Variants in ROPN1B observed in about 807,000 individuals in gnomAD.
ROPN1B encodes ropporin-1B.
Under a neutral mutation model 23.7 loss-of-function variants are expected in ROPN1B, and 13 were observed. That is an observed-to-expected ratio of 0.55 (90% confidence interval 0.36 to 0.87). ROPN1B has a LOEUF of 0.87. ROPN1B is among the 40% of genes least tolerant of loss of function. ROPN1B has a pLI of 0.01. For synonymous variants in ROPN1B, 67 were observed against 100.4 expected (o/e 0.67, Z 1.99); for missense variants, 183 against 249.2 (o/e 0.73, Z 1.79).
intron 5 of ROPN1B, among the ~76,000 whole-genome samples, chr3:125,981,583 C>T (rs1214110946): frequency 1.3e-5 from 2 of 152,154 alleles, no homozygotes; most frequent in Non-Finnish European, 2.9e-5. Context: ...TCTGAGCATG[C>T]TCCTTTAATG....
chr3:125,975,750 G>A, intron 4 of ROPN1B, 70 bp downstream of exon 4: 5 of 1,428,606 alleles, frequency 3.5e-6, no homozygotes, highest in Non-Finnish European at 4.8e-6. Flanking sequence ...ACAGACGAAA[G>A]CCCTCTGTTC....
At chr3:125,978,913 C>G (rs774812763) in intron 5 of ROPN1B, among the ~76,000 whole-genome samples, 7 of 152,060 alleles carry the variant, frequency 4.6e-5, no homozygotes, top group East Asian at 1.9e-4. Context: ...CTTAGCCCAC[C>G]GTGTAGATGC....
chr3:125,977,623 A>G (rs1386472977), intron 5 of ROPN1B: 1 of 190,374 alleles, frequency 5.3e-6, no homozygotes, highest in Non-Finnish European at 1.1e-5. Context: ...AAGCAAAAAC[A>G]AAGAGAGATG....
intron 5 of ROPN1B, among the ~76,000 whole-genome samples, chr3:125,980,731 G>A (rs998245209): frequency 4.3e-4 from 66 of 152,064 alleles, no homozygotes; most frequent in Non-Finnish European, 8.2e-4. Context: ...CATTAGGGGT[G>A]CAGAGGGTTG....
rs372380944 is a variant in ROPN1B at position 125,974,047 on chromosome 3, T to C, written c.117-1516T>C. ...AAATGAAGCTCAATAACCCAAAGAATGAAATCCATGATTACAGCTTTGCTT... is the reference window on the plus strand; with the variant it reads ...AAATGAAGCTCAATAACCCAAAGAACGAAATCCATGATTACAGCTTTGCTT... On this transcript the variant is annotated intron_variant, in intron 3 of 6. Coordinates refer to ENST00000514116, the MANE Select transcript of ROPN1B (RefSeq NM_001308313.2). Among the ~76,000 whole-genome samples the C allele has an allele frequency of 5.5e-3, 841 of 152,268 alleles. 4 individuals are homozygous for C. The highest frequency in any genetic ancestry group is 0.014 in the African/African-American group (588 of 41,554).
intron 3 of ROPN1B, among the ~76,000 whole-genome samples, chr3:125,974,619 A>G (rs571032293): frequency 9.9e-4 from 151 of 152,306 alleles, no homozygotes; most frequent in African/African-American, 3.5e-3. Context: ...GGTGACCCAC[A>G]TGTCAGCGGC....
intron 5 of ROPN1B, among the ~76,000 whole-genome samples, chr3:125,980,039 CTTTT>C (rs34018770): frequency 6.6e-6 from 1 of 152,018 alleles, no homozygotes; most frequent in Non-Finnish European, 1.5e-5. Flanking sequence ...GAAAGAATGA[CTTTT>C]TTTTAGCAAA....
At chr3:125,979,263 C>T (rs558719700) in intron 5 of ROPN1B, among the ~76,000 whole-genome samples, 13 of 127,330 alleles carry the variant, frequency 1.0e-4, no homozygotes, top group African/African-American at 3.6e-4. Context: ...GTAATCAATA[C>T]CCTTATATTC....
chr3:125,977,734 A>G (rs1938475727), intron 5 of ROPN1B: 5 of 163,228 alleles, frequency 3.1e-5, no homozygotes, highest in South Asian at 3.1e-4. Flanking sequence ...TGGAAAAACA[A>G]TTTTACTGTT....
intron 3 of ROPN1B, 30 bp downstream of exon 3, chr3:125,972,200 T>C (rs145292095): frequency 1.9e-6 from 3 of 1,611,432 alleles, no homozygotes; most frequent in East Asian, 4.5e-5. Context: ...CTTCATCTCT[T>C]GGAGGACGGG....
chr3:125,974,403 G>A (rs1938328747), intron 3 of ROPN1B, among the ~76,000 whole-genome samples: 1 of 152,190 alleles, frequency 6.6e-6, no homozygotes, highest in African/African-American at 2.4e-5. Flanking sequence ...CTTGCTATGT[G>A]GCTTAGAGAC....
chr3:125,979,748 G>A (rs913023981), intron 5 of ROPN1B, among the ~76,000 whole-genome samples: 25 of 152,286 alleles, frequency 1.6e-4, no homozygotes, highest in African/African-American at 4.3e-4. Flanking sequence ...CGAATTCAAC[G>A]GCAAGACAGG....
chr3:125,983,333 G>A lies in ROPN1B; in HGVS notation c.*13G>A. On this transcript the variant is annotated 3_prime_UTR_variant, in exon 7 of 7. Coordinates refer to ENST00000514116, the MANE Select transcript of ROPN1B (RefSeq NM_001308313.2). ...TTGGCTGGAGTAACAGCACAATTTT[G>A]GCAATTTTAAAGGAAGATACAGAGG... The A allele has an allele frequency of 6.2e-7, 1 of 1,606,434 alleles. No individual in the cohort carries two copies. The highest frequency in any genetic ancestry group is 2.2e-5 in the East Asian group (1 of 44,814).
At chr3:125,976,609 C>CT (rs1938423741) in intron 4 of ROPN1B, among the ~76,000 whole-genome samples, 1 of 152,182 alleles carries the variant, frequency 6.6e-6, no homozygotes, top group Non-Finnish European at 1.5e-5. Flanking sequence ...ATGTCTTGTT[C>CT]TAATTTTACC....
chr3:125,975,428 A>G, intron 3 of ROPN1B, 135 bp from the exon 4 acceptor site: 1 of 771,364 alleles, frequency 1.3e-6, no homozygotes, highest in Non-Finnish European at 2.1e-6. Context: ...ACTAAACACA[A>G]TGACACATAG....
chr3:125,972,353 C>T, intron 3 of ROPN1B, 183 bp downstream of exon 3: 1 of 637,856 alleles, frequency 1.6e-6, no homozygotes, highest in Non-Finnish European at 2.7e-6. Context: ...TCTAGCCGGG[C>T]AAGGATGGGA....
At chr3:125,975,944 C>T (rs1455849099) in intron 4 of ROPN1B, among the ~76,000 whole-genome samples, 1 of 152,218 alleles carries the variant, frequency 6.6e-6, no homozygotes, top group East Asian at 1.9e-4. Context: ...CAATGCTAAT[C>T]TTGTCTCTCC....
At chr3:125,972,020 T>G (rs528729954) in intron 2 of ROPN1B, 23 bp from the exon 3 acceptor site, 1 of 1,604,906 alleles carries the variant, frequency 6.2e-7, no homozygotes, top group Admixed American at 1.7e-5. Context: ...TTTCATCTTA[T>G]GTATTTTTTC....
At chr3:125,970,098 C>T (rs1176293841) in intron 1 of ROPN1B, 2 of 149,866 alleles carry the variant, frequency 1.3e-5, no homozygotes, top group Non-Finnish European at 3.0e-5. Flanking sequence ...CCAGTCCTGC[C>T]GTGGAGTTTG....
Sources: allele counts gnomAD v4.1 joint callset (sites outside exome capture counted in the v4.1 genomes callset), GRCh38; gene constraint gnomAD v4.1.1; transcripts MANE v1.5; gene names NCBI Gene and HGNC (gene_info 2026-07-23, HGNC 2026-07-21).